Variants in RBFOX1 observed in about 807,000 individuals in gnomAD.
The protein encoded by RBFOX1 is RNA binding fox-1 homolog 1.
Under a neutral mutation model 57.7 loss-of-function variants are expected in RBFOX1, and 8 were observed. The ratio of observed to expected loss-of-function variants is 0.14; its 90% CI spans 0.08 to 0.25. The LOEUF (loss-of-function observed/expected upper bound fraction) is 0.25. Ranked by LOEUF, RBFOX1 falls within the 10% of genes least tolerant of loss-of-function variation. RBFOX1 has a pLI of 1.00. For synonymous variants in RBFOX1, 326 were observed against 222.4 expected, an observed-to-expected ratio of 1.47 and a Z score of -4.15; for missense variants, 611 against 548.5, an observed-to-expected ratio of 1.11 and a Z score of -1.14.
chr16:6,940,879 G>GTGTGTGTGTGTT (rs1555653227), intron 3 of RBFOX1, among the ~76,000 whole-genome samples: 1,874 of 138,638 alleles, frequency 0.014, 96 homozygotes, highest in African/African-American at 0.045. Flanking sequence ...GTGTGTGTGT[G>GTGTGTGTGTGTT]TGTGTGTGTG....
intron 2 of RBFOX1, among the ~76,000 whole-genome samples, chr16:6,609,292 G>C (rs913118631): frequency 1.3e-5 from 2 of 152,136 alleles, no homozygotes; most frequent in African/African-American, 2.4e-5. Flanking sequence ...ATGGAGTGTA[G>C]TATGTTCTGT....
upstream of RBFOX1, among the ~76,000 whole-genome samples, chr16:6,016,681 A>G (rs550738778): frequency 2.0e-3 from 311 of 152,312 alleles, 6 homozygotes; most frequent in Non-Finnish European, 7.6e-4. Context: ...TTTCATGTCC[A>G]GTAGGAGGAG....
intron 4 of RBFOX1, among the ~76,000 whole-genome samples, chr16:7,289,929 A>G (rs1603504164): frequency 1.3e-5 from 2 of 152,146 alleles, no homozygotes; most frequent in African/African-American, 2.4e-5. Flanking sequence ...CTTATCATCC[A>G]TTTCGTTATC....
At chr16:7,210,608 A>G (rs565473608) in intron 4 of RBFOX1, among the ~76,000 whole-genome samples, 6 of 152,230 alleles carry the variant, frequency 3.9e-5, no homozygotes, top group African/African-American at 1.2e-4. Context: ...ACTGATGCTA[A>G]TGTTGATGAT....
chr16:6,684,499 G>T (rs1256661719), intron 3 of RBFOX1, among the ~76,000 whole-genome samples: 1 of 152,174 alleles, frequency 6.6e-6, no homozygotes, highest in East Asian at 1.9e-4. Context: ...AACATCATCA[G>T]CTTGTGCCAT....
At chr16:6,164,630 T>A (rs1282968357) in intron 1 of RBFOX1, among the ~76,000 whole-genome samples, 1 of 151,424 alleles carries the variant, frequency 6.6e-6, no homozygotes, top group South Asian at 2.1e-4. Flanking sequence ...CCACACCTGG[T>A]AAATTTTTGT....
chr16:6,492,273 T>G (rs2095649692), intron 2 of RBFOX1, among the ~76,000 whole-genome samples: 1 of 152,194 alleles, frequency 6.6e-6, no homozygotes, highest in Non-Finnish European at 1.5e-5. Context: ...TTGGGAATTC[T>G]TATTTTGAAA....
In RBFOX1 at chr16:6,355,410, T is replaced by G. The variant is rs145918887; in HGVS notation, c.-64+38353T>G. Among the ~76,000 whole-genome samples, 1,000 of 152,270 alleles carry G rather than the reference T, an allele frequency of 6.6e-3. 13 individuals carry two copies. Among genetic ancestry groups the G allele is most frequent in the African/African-American group, 0.023 (942 of 41,542 alleles). ...TTTGGCTTTCTGTTGTTGTGATAGTTTGCTGAGAATGGTGGTTTCCAGCTT... is the reference window on the plus strand; with the variant it reads ...TTTGGCTTTCTGTTGTTGTGATAGTGTGCTGAGAATGGTGGTTTCCAGCTT... On this transcript the variant is annotated intron_variant, in intron 2 of 15. Coordinates refer to ENST00000550418, the MANE Select transcript of RBFOX1 (RefSeq NM_018723.4).
chr16:6,245,384 G>A (rs1451062554), intron 1 of RBFOX1, among the ~76,000 whole-genome samples: 1 of 151,946 alleles, frequency 6.6e-6, no homozygotes, highest in African/African-American at 2.4e-5. Flanking sequence ...CTCCCTCTAA[G>A]GCCATGTATC....
At chr16:6,187,529 C>G (rs767081405) in intron 1 of RBFOX1, among the ~76,000 whole-genome samples, 6 of 152,252 alleles carry the variant, frequency 3.9e-5, no homozygotes, top group African/African-American at 1.4e-4. Flanking sequence ...ATAACTAGCT[C>G]TCACAAGTAT....
chr16:6,420,740 C>G (rs2093749104), intron 2 of RBFOX1, among the ~76,000 whole-genome samples: 1 of 152,126 alleles, frequency 6.6e-6, no homozygotes, highest in Non-Finnish European at 1.5e-5. Flanking sequence ...GCCTTTGAAC[C>G]AATATCAGTG....
At chr16:5,595,233 C>G (rs1280883925) in intron 2 of RBFOX1, among the ~76,000 whole-genome samples, 1 of 152,184 alleles carries the variant, frequency 6.6e-6, no homozygotes, top group African/African-American at 2.4e-5. Flanking sequence ...AAGAATATCA[C>G]CTTCTAATGC....
chr16:6,521,387 T>C (rs892133468), intron 2 of RBFOX1, among the ~76,000 whole-genome samples: 34 of 151,582 alleles, frequency 2.2e-4, no homozygotes, highest in African/African-American at 8.2e-4. Flanking sequence ...AACCTTTCCT[T>C]CCCTCTCTCC....
chr16:6,601,810 T>C (rs145144942), intron 2 of RBFOX1, among the ~76,000 whole-genome samples: 1 of 152,302 alleles, frequency 6.6e-6, no homozygotes, highest in Non-Finnish European at 1.5e-5. Context: ...AGCCAACTAG[T>C]GCTGCCCGCA....
intron 4 of RBFOX1, among the ~76,000 whole-genome samples, chr16:7,394,264 AGAG>A (rs371296039): frequency 3.7e-5 from 5 of 136,502 alleles, no homozygotes; most frequent in South Asian, 2.5e-4. Context: ...AAAAAAAAAA[AGAG>A]AGAAAGAAAT....
At chr16:6,841,768 T>C (rs1366312370) in intron 3 of RBFOX1, among the ~76,000 whole-genome samples, 1 of 152,084 alleles carries the variant, frequency 6.6e-6, no homozygotes, top group African/African-American at 2.4e-5. Flanking sequence ...ACCATGCAGC[T>C]TAAGGGTTCC....
rs533766322 is a variant in RBFOX1, at chr16:6,274,518, G to A, written c.-126-42477G>A. Among the ~76,000 whole-genome samples, 6 of 152,302 alleles carry A rather than the reference G, an allele frequency of 3.9e-5. No homozygotes were observed. In the East Asian group the frequency reaches 1.2e-3, roughly 29 times the overall value. On this transcript the variant is annotated intron_variant, in intron 1 of 15. Transcript: ENST00000550418. ...ATGGAGAACAGATTAGTCATTGCCA[G>A]GGGTTGAGAGGAGACAGGGAGGAGG...
At chr16:5,516,427 T>C (rs1161565424) in intron 2 of RBFOX1, among the ~76,000 whole-genome samples, 3 of 152,238 alleles carry the variant, frequency 2.0e-5, no homozygotes, top group Non-Finnish European at 4.4e-5. Flanking sequence ...TCCTTCCTTG[T>C]TGTTGATCTT....
At position 6,435,381 on chromosome 16, in the gene RBFOX1, G is replaced by A. The variant is rs557606072; in HGVS notation, c.-64+118324G>A. 2.8e-4 allele frequency among the ~76,000 whole-genome samples: 43 copies of A among 151,944 alleles called. 1 individual carries two copies. The highest frequency in any genetic ancestry group is 9.7e-4 in the African/African-American group (40 of 41,412). On this transcript the variant is annotated intron_variant, in intron 2 of 15. Coordinates refer to ENST00000550418, the MANE Select transcript of RBFOX1 (RefSeq NM_018723.4). ...AGTAGTGTGATCTCGGCTCACTGCA[G>A]CCTCTGCCTCCCGCATTAAAGTGAT...
Sources: allele counts gnomAD v4.1 joint callset (sites outside exome capture counted in the v4.1 genomes callset), GRCh38; gene constraint gnomAD v4.1.1; transcripts MANE v1.5; gene names NCBI Gene and HGNC (gene_info 2026-07-23, HGNC 2026-07-21).